CLASP2: variants seen among roughly 807,000 people sequenced by gnomAD.
CLASP2 encodes the protein CLIP-associating protein 2.
In CLASP2, 47 loss-of-function variants were observed where a neutral mutation model predicts 194.4. The ratio of observed to expected loss-of-function variants is 0.24; its 90% CI spans 0.19 to 0.31. The LOEUF is 0.31. CLASP2 is among the 10% of genes least tolerant of loss of function. The pLI is 1.00. For synonymous variants in CLASP2, 619 were observed against 633.5 expected (o/e 0.98, Z 0.34); for missense variants, 1,445 against 1,823.6 (o/e 0.79, Z 3.78).
At chr3:33,506,512 A>G (rs182462435) in intron 37 of CLASP2, among the ~76,000 whole-genome samples, 3 of 151,406 alleles carry the variant, frequency 2.0e-5, no homozygotes, top group Admixed American at 1.3e-4. Flanking sequence ...CTTGGTTACT[A>G]TAAGTTTTTG....
intron 5 of CLASP2, among the ~76,000 whole-genome samples, chr3:33,686,405 T>A (rs1252773916): frequency 6.6e-6 from 1 of 152,142 alleles, no homozygotes; most frequent in Non-Finnish European, 1.5e-5. Context: ...CTACCTCCTG[T>A]CAGATCGGTG....
At chr3:33,636,445 C>G (rs1245292785) in intron 8 of CLASP2, among the ~76,000 whole-genome samples, 1 of 151,220 alleles carries the variant, frequency 6.6e-6, no homozygotes, top group Admixed American at 6.6e-5. Flanking sequence ...AAACACCTAC[C>G]AAGAAGGAAA....
At chr3:33,585,627 A>G (rs2067188752) in intron 21 of CLASP2, among the ~76,000 whole-genome samples, 1 of 152,166 alleles carries the variant, frequency 6.6e-6, no homozygotes, top group Admixed American at 6.5e-5. Context: ...GTTTGGTGAC[A>G]TGAATAACTT....
chr3:33,695,219 A>ACTTTTT (rs1559662680), intron 2 of CLASP2, among the ~76,000 whole-genome samples: 1 of 93,318 alleles, frequency 1.1e-5, no homozygotes, highest in Non-Finnish European at 2.3e-5. Flanking sequence ...TAAGCCTGCT[A>ACTTTTT]ATTTTTTTTT....
rs71070140 is a variant in CLASP2, at chr3:33,512,557, TAAAAAAAAAAAAAAAAA to T, written c.4111-1810_4111-1794del. Among the ~76,000 whole-genome samples the T allele has an allele frequency of 1.6e-4, 2 of 12,476 alleles. 1 individual carries two copies. Among genetic ancestry groups the T allele is most frequent in the Non-Finnish European group, 2.9e-4 (2 of 6,962 alleles). The allele number at this position is 12,476 out of a possible 152,430, so 8.2% of individuals were successfully genotyped here. A position where few individuals can be genotyped will look rare whatever the true frequency, so the allele number is the denominator to read the frequency against. ...ATGTACCCTAAAACTTAGAGTATAA[TAAAAAAAAAAAAAAAAA>T]AAAAAAAAAAAGAACACGTAAAAAT... is the stretch of plus-strand genomic sequence containing the variant. On this transcript the variant is annotated intron_variant, in intron 36 of 38. Transcript: ENST00000682230.
At chr3:33,663,604 A>C in intron 6 of CLASP2, 89 bp from the exon 7 acceptor site, 1 of 895,990 alleles carries the variant, frequency 1.1e-6, no homozygotes, top group South Asian at 1.5e-5. Context: ...CCCTTAGAAA[A>C]AACAATTGTA....
chr3:33,627,140 T>C, intron 9 of CLASP2, 60 bp from the exon 10 acceptor site: 1 of 925,798 alleles, frequency 1.1e-6, no homozygotes, highest in Non-Finnish European at 1.7e-6. Context: ...ATCAAAATTA[T>C]GCCCTGATGT....
At chr3:33,709,660 G>C (rs2092904898) in intron 1 of CLASP2, among the ~76,000 whole-genome samples, 1 of 152,092 alleles carries the variant, frequency 6.6e-6, no homozygotes, top group African/African-American at 2.4e-5. Flanking sequence ...GTCTCTAGAA[G>C]GAATATAATC....
At chr3:33,559,006 T>G (rs995036352) in intron 29 of CLASP2, 1 of 413,778 alleles carries the variant, frequency 2.4e-6, no homozygotes, top group Non-Finnish European at 4.5e-6. Context: ...TAAATAACAT[T>G]TGAAATCAAA....
chr3:33,683,062 A>G (rs1333367678), intron 6 of CLASP2: 1 of 152,240 alleles, frequency 6.6e-6, no homozygotes, highest in Non-Finnish European at 1.5e-5. Context: ...AATAAATTGT[A>G]TGGTACCTTT....
At chr3:33,651,580 C>T (rs1019530667) in intron 7 of CLASP2, among the ~76,000 whole-genome samples, 1 of 151,560 alleles carries the variant, frequency 6.6e-6, no homozygotes, top group African/African-American at 2.4e-5. Flanking sequence ...ATATTAATCA[C>T]ACCTTGTCCT....
At chr3:33,611,916 G>T in intron 13 of CLASP2, 85 bp downstream of exon 13, 2 of 931,872 alleles carry the variant, frequency 2.1e-6, no homozygotes, top group South Asian at 3.2e-5. Context: ...AGAAATGAAT[G>T]ACCAATTCTT....
chr3:33,508,445 C>T (rs2048894333), intron 37 of CLASP2, among the ~76,000 whole-genome samples: 1 of 152,160 alleles, frequency 6.6e-6, no homozygotes, highest in South Asian at 2.1e-4. Context: ...ATTCTCCCGC[C>T]CCAGCCTCCT....
intron 1 of CLASP2, among the ~76,000 whole-genome samples, chr3:33,709,586 G>A (rs761718569): frequency 1.3e-5 from 2 of 151,990 alleles, no homozygotes; most frequent in African/African-American, 2.4e-5. Flanking sequence ...TTTGAAGATG[G>A]AGAAAGACAC....
At chr3:33,680,176 G>C (rs1394834959) in intron 6 of CLASP2, among the ~76,000 whole-genome samples, 1 of 152,182 alleles carries the variant, frequency 6.6e-6, no homozygotes, top group African/African-American at 2.4e-5. Context: ...GTAAAAAGAT[G>C]AATGTTGCCA....
At chr3:33,693,611 G>A (rs2091575116) in intron 2 of CLASP2, among the ~76,000 whole-genome samples, 1 of 152,134 alleles carries the variant, frequency 6.6e-6, no homozygotes, top group Non-Finnish European at 1.5e-5. Flanking sequence ...AATCTTTCAT[G>A]TATGTAAAGT....
rs139860622 is a variant in CLASP2, at chr3:33,601,906, T to C, written c.1924+1046A>G. The stretch of plus-strand genomic sequence containing the variant: ...GTTGAGTACTCCTTATTTAAAATGT[T>C]TGGGGCCAAAAATGTTTTAGATTTC... On this transcript the variant is annotated intron_variant, in intron 18 of 38. Transcript: ENST00000682230. Among the ~76,000 whole-genome samples, 3 of 152,270 alleles carry C rather than the reference T, an allele frequency of 2.0e-5. No individual in the cohort carries two copies. The East Asian group carries it at 5.8e-4, about 29-fold the overall frequency.
chr3:33,549,365 A>C (rs1260849578), intron 30 of CLASP2, among the ~76,000 whole-genome samples: 2 of 152,134 alleles, frequency 1.3e-5, no homozygotes, highest in Non-Finnish European at 2.9e-5. Context: ...AACAGCTATA[A>C]ATTTCCCTAG....
intron 2 of CLASP2, among the ~76,000 whole-genome samples, chr3:33,695,328 T>C (rs977258154): frequency 5.4e-5 from 8 of 147,262 alleles, no homozygotes; most frequent in Non-Finnish European, 8.9e-5. Flanking sequence ...CCTAAACTGT[T>C]GGGATTACAG....
Sources: allele counts gnomAD v4.1 joint callset (sites outside exome capture counted in the v4.1 genomes callset), GRCh38; gene constraint gnomAD v4.1.1; transcripts MANE v1.5; gene names NCBI Gene and HGNC (gene_info 2026-07-23, HGNC 2026-07-21).